Variants in YAF2 observed in about 807,000 individuals in gnomAD.
The protein encoded by YAF2 is YY1 associated factor 2.
A neutral mutation model predicts 20.1 loss-of-function variants in YAF2; 7 were observed. The ratio of observed to expected loss-of-function variants is 0.35; its 90% CI spans 0.20 to 0.65. The LOEUF (loss-of-function observed/expected upper bound fraction) is 0.65, where lower values mean the gene tolerates loss of function less well. YAF2 is among the 30% of genes least tolerant of loss of function. YAF2 has a pLI of 0.69. For synonymous variants in YAF2, 74 were observed against 76.0 expected, an observed-to-expected ratio of 0.97 and a Z score of 0.14; for missense variants, 151 against 219.2, an observed-to-expected ratio of 0.69 and a Z score of 1.96.
chr12:42,163,277 G>A (rs2065839485), intron 2 of YAF2, among the ~76,000 whole-genome samples: 1 of 152,282 alleles, frequency 6.6e-6, no homozygotes, highest in East Asian at 1.9e-4. Flanking sequence ...AAGCTGGACA[G>A]ATAAGAAGGG....
chr12:42,163,477 T>G (rs1743392931), intron 2 of YAF2, among the ~76,000 whole-genome samples: 1 of 152,226 alleles, frequency 6.6e-6, no homozygotes, highest in Non-Finnish European at 1.5e-5. Flanking sequence ...GTACCTAGTG[T>G]TGTTTGTTGT....
intron 2 of YAF2, among the ~76,000 whole-genome samples, chr12:42,216,597 T>C (rs1395608652): frequency 6.6e-6 from 1 of 152,174 alleles, no homozygotes; most frequent in African/African-American, 2.4e-5. Flanking sequence ...TTTCTCATGG[T>C]AGGCAATCTA....
intron 2 of YAF2, among the ~76,000 whole-genome samples, chr12:42,195,875 A>G (rs1368463827): frequency 2.0e-5 from 3 of 152,060 alleles, no homozygotes; most frequent in Non-Finnish European, 4.4e-5. Context: ...GAAATTAACT[A>G]AACTGGTGGT....
At chr12:42,177,016 T>C (rs1257428607) in intron 2 of YAF2, among the ~76,000 whole-genome samples, 1 of 152,182 alleles carries the variant, frequency 6.6e-6, no homozygotes, top group African/African-American at 2.4e-5. Context: ...CAGGCCATTC[T>C]TCCACAGAGC....
At chr12:42,169,525 C>G (rs1016164598) in intron 2 of YAF2, among the ~76,000 whole-genome samples, 1 of 151,220 alleles carries the variant, frequency 6.6e-6, no homozygotes, top group South Asian at 2.1e-4. Context: ...GCAATCCTCC[C>G]CTCTCAGCCT....
chr12:42,207,851 A>G (rs1463534795), intron 2 of YAF2, among the ~76,000 whole-genome samples: 1 of 152,180 alleles, frequency 6.6e-6, no homozygotes, highest in Non-Finnish European at 1.5e-5. Context: ...AGATCGTGCC[A>G]CTGCACTCCA....
chr12:42,210,681 C>T, intron 2 of YAF2: 1 of 1,533,794 alleles, frequency 6.5e-7, no homozygotes, highest in Non-Finnish European at 8.7e-7. Context: ...TTTTTCTTCT[C>T]TATCAGAATA....
At chr12:42,201,225 T>C (rs1005685794) in intron 2 of YAF2, among the ~76,000 whole-genome samples, 6 of 152,228 alleles carry the variant, frequency 3.9e-5, no homozygotes, top group Admixed American at 6.5e-5. Context: ...CAAGTTTCTC[T>C]AGACTAATAC....
intron 2 of YAF2, among the ~76,000 whole-genome samples, chr12:42,177,386 G>C (rs1183773069): frequency 6.6e-6 from 1 of 152,122 alleles, no homozygotes. Flanking sequence ...CTTCTACTCA[G>C]GGCTCTCTTC....
At position 42,227,070 on chromosome 12, in the gene YAF2, G is replaced by A. The variant is rs1367996463; in HGVS notation, c.152+10529C>T. On this transcript the variant is annotated intron_variant, in intron 2 of 3. Coordinates refer to ENST00000534854, the MANE Select transcript of YAF2 (RefSeq NM_005748.6). ...GCCGCGACCGACCGCAGCCGCCGCC[G>A]CCCGACCGCCGGGAGGATGGAGTTC... Among the ~76,000 whole-genome samples the A allele has an allele frequency of 4.1e-5, 6 of 145,526 alleles. 1 individual carries two copies. The highest frequency in any genetic ancestry group is 2.0e-4 in the East Asian group (1 of 4,918).
chr12:42,213,518 A>G (rs1053916192), intron 2 of YAF2, among the ~76,000 whole-genome samples: 2 of 152,240 alleles, frequency 1.3e-5, no homozygotes, highest in Non-Finnish European at 2.9e-5. Flanking sequence ...AAACAATGAC[A>G]AATTTTTCCA....
chr12:42,173,231 AT>A (rs2066096998), intron 2 of YAF2, among the ~76,000 whole-genome samples: 1 of 152,152 alleles, frequency 6.6e-6, no homozygotes, highest in Non-Finnish European at 1.5e-5. Context: ...AGCTAAGACT[AT>A]AGTCACAAAC....
chr12:42,230,439 G>A (rs1201602305), intron 2 of YAF2, among the ~76,000 whole-genome samples: 1 of 152,084 alleles, frequency 6.6e-6, no homozygotes, highest in Non-Finnish European at 1.5e-5. Flanking sequence ...CTATCCTAAG[G>A]ATCTCAGCCT....
chr12:42,188,544 C>T (rs917301560), intron 2 of YAF2, among the ~76,000 whole-genome samples: 1 of 151,782 alleles, frequency 6.6e-6, no homozygotes, highest in Non-Finnish European at 1.5e-5. Flanking sequence ...CACTACCATG[C>T]CCACTAATTT....
intron 2 of YAF2, among the ~76,000 whole-genome samples, chr12:42,213,534 G>A (rs753200864): frequency 2.6e-5 from 4 of 151,970 alleles, no homozygotes; most frequent in African/African-American, 4.8e-5. Context: ...TTCCAACATC[G>A]CAAATTTCAA....
intron 2 of YAF2, among the ~76,000 whole-genome samples, chr12:42,202,519 G>A (rs891066599): frequency 2.0e-5 from 3 of 152,114 alleles, no homozygotes; most frequent in South Asian, 2.1e-4. Flanking sequence ...CATACAATAC[G>A]TAATCCTTGT....
At chr12:42,237,500 C>A (rs903909576) in intron 2 of YAF2, 99 bp downstream of exon 2, 1 of 1,365,728 alleles carries the variant, frequency 7.3e-7, no homozygotes, top group South Asian at 1.6e-5. Context: ...CTCCTCCCGC[C>A]GGGTCCGCCA....
intron 2 of YAF2, chr12:42,235,910 G>T: frequency 6.5e-7 from 1 of 1,536,036 alleles, no homozygotes. Context: ...CTTCTGAGCT[G>T]CCACCACCTA....
intron 2 of YAF2, among the ~76,000 whole-genome samples, chr12:42,192,060 A>G (rs888934999): frequency 6.6e-6 from 1 of 151,120 alleles, no homozygotes; most frequent in African/African-American, 2.4e-5. Context: ...AAAACAAAAC[A>G]TACAATTAGA....
Sources: gnomAD v4.1 joint callset for allele counts (sites outside exome capture counted in the v4.1 genomes callset) on GRCh38, gnomAD v4.1.1 for gene constraint, MANE v1.5 for transcripts, NCBI Gene and HGNC (gene_info 2026-07-23, HGNC 2026-07-21) for gene names.